The following MAST2 variants were observed in gnomAD, a reference collection of about 807,000 sequenced individuals.
MAST2 encodes the protein microtubule associated serine/threonine kinase 2.
A neutral mutation model predicts 147.4 loss-of-function variants in MAST2; 70 were observed. The ratio of observed to expected loss-of-function variants is 0.47; its 90% CI spans 0.39 to 0.58. The LOEUF (loss-of-function observed/expected upper bound fraction) is 0.58, where lower values mean the gene tolerates loss of function less well. Among genes scored for constraint, MAST2 ranks in the 20% least tolerant of loss-of-function variants. MAST2 has a pLI of 0.00. For missense variants in MAST2, 2,080 were observed against 2,302.3 expected, an observed-to-expected ratio of 0.90 and a Z score of 1.98; for synonymous variants, 869 against 896.8, an observed-to-expected ratio of 0.97 and a Z score of 0.55.
At chr1:45,993,744 C>T (rs1644938727) in intron 5 of MAST2, among the ~76,000 whole-genome samples, 1 of 151,938 alleles carries the variant, frequency 6.6e-6, no homozygotes, top group South Asian at 2.1e-4. Context: ...CAAATTAGGC[C>T]AAACTTTACA....
At chr1:46,018,666 A>C (rs1404473844) in intron 10 of MAST2, among the ~76,000 whole-genome samples, 1 of 152,162 alleles carries the variant, frequency 6.6e-6, no homozygotes, top group Non-Finnish European at 1.5e-5. Context: ...CACTGACGTT[A>C]ACAGTTGTCT....
chr1:45,996,097 CCT>C (rs1471587139), intron 5 of MAST2, among the ~76,000 whole-genome samples: 2 of 151,094 alleles, frequency 1.3e-5, no homozygotes, highest in Admixed American at 6.6e-5. Context: ...TTTTTTTTCC[CCT>C]CTCGGTGTTA....
At chr1:46,025,045 G>C (rs759988116) in intron 15 of MAST2, among the ~76,000 whole-genome samples, 1 of 152,186 alleles carries the variant, frequency 6.6e-6, no homozygotes, top group African/African-American at 2.4e-5. Flanking sequence ...TGGGCCGGAC[G>C]TGGTGGCTCA....
At chr1:46,016,979 A>C in intron 10 of MAST2, among the ~76,000 whole-genome samples, 1 of 151,938 alleles carries the variant, frequency 6.6e-6, no homozygotes, top group East Asian at 1.9e-4. Context: ...AAACAGAGAT[A>C]TAGATCAATG....
At chr1:45,878,173 C>G (rs1646687101) in intron 3 of MAST2, among the ~76,000 whole-genome samples, 2 of 144,206 alleles carry the variant, frequency 1.4e-5, no homozygotes, top group South Asian at 4.4e-4. Context: ...CACTGCATTC[C>G]AGTCTGGGTG....
intron 3 of MAST2, among the ~76,000 whole-genome samples, chr1:45,881,212 A>G (rs936517838): frequency 6.6e-6 from 1 of 152,170 alleles, no homozygotes. Flanking sequence ...TGGAGAAGAA[A>G]AAGATGGAAA....
chr1:45,863,722 T>C (rs898566668), intron 3 of MAST2, among the ~76,000 whole-genome samples: 7 of 152,240 alleles, frequency 4.6e-5, no homozygotes, highest in Admixed American at 2.0e-4. Context: ...GCTATTGCTA[T>C]ATTTACACCT....
intron 4 of MAST2, among the ~76,000 whole-genome samples, chr1:45,906,766 A>G (rs1302858712): frequency 1.3e-5 from 2 of 151,942 alleles, no homozygotes; most frequent in East Asian, 3.9e-4. Context: ...TATAAAGTCT[A>G]CAGTAGTAGA....
Position 45,916,452 on chromosome 1 carries a change from CTTAT to C in MAST2, c.500+34065_500+34068del, listed in dbSNP as rs903557981. Among the ~76,000 whole-genome samples, 18 of 152,134 alleles carry C rather than the reference CTTAT, an allele frequency of 1.2e-4. No homozygotes were observed. The East Asian group carries it at 1.3e-3, about 11-fold the overall frequency. ...TATTACCTGTTTTCAATCTAATGAT[CTTAT>C]TTATTTAATAATCTTCGATAGGACT... On this transcript the variant is annotated intron_variant, in intron 4 of 28. Coordinates refer to ENST00000361297, the MANE Select transcript of MAST2 (RefSeq NM_015112.3).
At chr1:45,826,828 TTTTA>T (rs1170722080) in intron 2 of MAST2, among the ~76,000 whole-genome samples, 2 of 151,962 alleles carry the variant, frequency 1.3e-5, no homozygotes, top group Non-Finnish European at 2.9e-5. Context: ...TACTTTTTAT[TTTTA>T]TTTATTTATT....
At position 46,031,009 on chromosome 1, in the gene MAST2, T is replaced by C. The variant is rs758420547; in HGVS notation, c.2711T>C (p.Leu904Ser). The C allele has an allele frequency of 2.5e-6, 4 of 1,612,824 alleles. No individual in the cohort carries two copies. The highest frequency in any genetic ancestry group is 2.7e-5 in the African/African-American group (2 of 74,862). Residue 904 changes from leucine to serine, a missense_variant and splice_region_variant, in exon 23 of 29, where the codon TTA becomes TCA. Physicochemically the swap from Leu to Ser is moderately radical, Grantham distance 145 (BLOSUM62 -2). This residue lies in a region of MAST2 where 1,278 missense variants were observed against 1,304.2 expected (regional missense o/e 0.98). Coordinates refer to ENST00000361297, the MANE Select transcript of MAST2 (RefSeq NM_015112.3). The surrounding 1 kb of genome is among the most constrained non-coding windows in gnomAD (Gnocchi z 4.1). The part of the protein sequence containing the change: ...RSWVIGSPEI[L>S]RKRLSVSESS... The stretch of plus-strand genomic sequence containing the variant: ...ACCCCAGGCCTTGTGTCTCATAGAT[T>C]ACGGAAGCGGCTGTCGGTGTCTGAG...
At chr1:45,927,973 C>T (rs1045836266) in intron 4 of MAST2, among the ~76,000 whole-genome samples, 4 of 152,200 alleles carry the variant, frequency 2.6e-5, no homozygotes, top group African/African-American at 9.7e-5. Context: ...TTTGGGGTCC[C>T]TGACTTCCTG....
chr1:45,917,317 T>C (rs1570703785), intron 4 of MAST2: 8 of 1,346,166 alleles, frequency 5.9e-6, no homozygotes, highest in Non-Finnish European at 7.9e-6. Flanking sequence ...CTTGTTTTTT[T>C]CCTATTGTGG....
intron 20 of MAST2, 61 bp downstream of exon 20, chr1:46,030,014 T>G: frequency 6.2e-7 from 1 of 1,609,590 alleles, no homozygotes; most frequent in East Asian, 2.2e-5. Flanking sequence ...GAAACACCTG[T>G]GCACACTGAA....
intron 5 of MAST2, among the ~76,000 whole-genome samples, chr1:45,975,963 C>G (rs1368998553): frequency 8.6e-6 from 1 of 116,780 alleles, no homozygotes; most frequent in Non-Finnish European, 1.9e-5. Flanking sequence ...GTTTTTTAAT[C>G]TAAAAACTGA....
chr1:45,899,849 TA>T (rs539129101), intron 4 of MAST2, among the ~76,000 whole-genome samples: 8 of 151,556 alleles, frequency 5.3e-5, no homozygotes, highest in South Asian at 4.2e-4. Context: ...GCTTTACAAT[TA>T]AAAAAAAATT....
At chr1:45,855,611 C>T (rs1645762188) in intron 3 of MAST2, among the ~76,000 whole-genome samples, 1 of 151,104 alleles carries the variant, frequency 6.6e-6, no homozygotes, top group Non-Finnish European at 1.5e-5. Context: ...TTTTTTTTTG[C>T]AACTTTAAAT....
rs1645693090 is a variant in MAST2, at chr1:46,011,021, G to A, written c.1188+82G>A. The A allele has an allele frequency of 6.5e-6, 8 of 1,225,900 alleles. No homozygotes were observed. In the South Asian group the frequency reaches 7.7e-5, roughly 12 times the overall value. The allele number at this position is 1,225,900 out of a possible 1,614,324, so 75.9% of individuals were successfully genotyped here. ...ATCCCAAGCTAAGATTAGGGCATTA[G>A]TGGTATTCTCAGTCTTCACAGACTG... On this transcript the variant is annotated intron_variant, in intron 10 of 28. Transcript: ENST00000361297.
At chr1:45,816,206 G>GGGGAGAGAGAGAGAAAGA (rs1570192214) in intron 1 of MAST2, among the ~76,000 whole-genome samples, 1 of 137,316 alleles carries the variant, frequency 7.3e-6, no homozygotes, top group Non-Finnish European at 1.5e-5. Context: ...GGGGTGGGGG[G>GGGGAGAGAGAGAGAAAGA]GAGAGAGAGA....
Sources: allele counts gnomAD v4.1 joint callset (sites outside exome capture counted in the v4.1 genomes callset), GRCh38; gene constraint gnomAD v4.1.1; regional missense constraint gnomAD v4.1.1; non-coding constraint Gnocchi (gnomAD v3.1); transcripts MANE v1.5; gene names NCBI Gene and HGNC (gene_info 2026-07-23, HGNC 2026-07-21).